The following CMSS1 variants were observed in gnomAD, a reference collection of about 807,000 sequenced individuals.
CMSS1 encodes the protein protein CMSS1.
A neutral mutation model predicts 43.5 loss-of-function variants in CMSS1; 33 were observed. That is an observed-to-expected ratio of 0.76 (90% confidence interval 0.57 to 1.01). The LOEUF (loss-of-function observed/expected upper bound fraction) is 1.01. Among genes scored for constraint, CMSS1 ranks in the 50% least tolerant of loss-of-function variants. CMSS1 has a pLI of 0.00. For synonymous variants in CMSS1, 115 were observed against 117.2 expected (o/e 0.98, Z 0.12); for missense variants, 313 against 326.4 (o/e 0.96, Z 0.32).
chr3:100,145,170 G>A (rs1437711001), intron 1 of CMSS1, among the ~76,000 whole-genome samples: 1 of 152,142 alleles, frequency 6.6e-6, no homozygotes, highest in Non-Finnish European at 1.5e-5. Context: ...GCTGGGTATG[G>A]TGGCTCATGC....
intron 1 of CMSS1, among the ~76,000 whole-genome samples, chr3:99,886,118 C>T: frequency 6.6e-6 from 1 of 152,234 alleles, no homozygotes; most frequent in East Asian, 1.9e-4. Context: ...CACACGTGCA[C>T]ATGGACGTGA....
intron 4 of CMSS1, among the ~76,000 whole-genome samples, chr3:100,163,637 A>G (rs2067043902): frequency 6.6e-6 from 1 of 152,172 alleles, no homozygotes; most frequent in Non-Finnish European, 1.5e-5. Context: ...CCTGGGCTTA[A>G]GTGGATCCTC....
chr3:99,845,099 G>T lies in CMSS1; in HGVS notation c.64+27056G>T, dbSNP rs139082506. Among the ~76,000 whole-genome samples the T allele has an allele frequency of 3.4e-3, 518 of 152,282 alleles. 5 individuals carry two copies. The highest frequency in any genetic ancestry group is 6.8e-3 in the Middle Eastern group (2 of 294). ...AATATAGTTGTGGAGACCTTACAAA[G>T]AGTGTATGTAATTTTATCATGATCT... is the stretch of plus-strand genomic sequence containing the variant. On this transcript the variant is annotated intron_variant, in intron 1 of 9. Transcript: ENST00000421999.
intron 1 of CMSS1, among the ~76,000 whole-genome samples, chr3:99,919,501 C>G (rs916676986): frequency 2.0e-5 from 3 of 151,012 alleles, no homozygotes; most frequent in Admixed American, 6.6e-5. Flanking sequence ...TAATGAATGG[C>G]AAGTAGCACT....
intron 1 of CMSS1, among the ~76,000 whole-genome samples, chr3:99,948,568 G>A (rs376949627): frequency 6.8e-6 from 1 of 146,186 alleles, no homozygotes; most frequent in African/African-American, 2.5e-5. Flanking sequence ...GAAGGAGAAG[G>A]CGAAGGAGAA....
At chr3:100,145,356 G>C (rs1258539786) in intron 1 of CMSS1, among the ~76,000 whole-genome samples, 1 of 152,120 alleles carries the variant, frequency 6.6e-6, no homozygotes, top group African/African-American at 2.4e-5. Context: ...GCTGAGGCAG[G>C]AGAATCGCTT....
chr3:99,998,799 G>C (rs1002861690), intron 1 of CMSS1, among the ~76,000 whole-genome samples: 2 of 152,186 alleles, frequency 1.3e-5, no homozygotes, highest in African/African-American at 4.8e-5. Flanking sequence ...TCGATCTCCT[G>C]ACCTCGTGAT....
intron 1 of CMSS1, among the ~76,000 whole-genome samples, chr3:100,142,944 C>T (rs1489627668): frequency 6.6e-6 from 1 of 152,158 alleles, no homozygotes; most frequent in African/African-American, 2.4e-5. Flanking sequence ...GAAAACCTAA[C>T]ATTTATGCAA....
At chr3:99,924,381 C>G in intron 1 of CMSS1, 2 of 1,614,026 alleles carry the variant, frequency 1.2e-6, no homozygotes, top group Non-Finnish European at 1.7e-6. Context: ...CTGTAAGATT[C>G]TTTATGTTTT....
chr3:100,018,119 G>A (rs1710398562), intron 1 of CMSS1, among the ~76,000 whole-genome samples: 1 of 152,152 alleles, frequency 6.6e-6, no homozygotes, highest in African/African-American at 2.4e-5. Context: ...ACCAGGTCAA[G>A]AGATCGAGAC....
chr3:100,093,187 C>T (rs1332169777), intron 1 of CMSS1, among the ~76,000 whole-genome samples: 1 of 152,118 alleles, frequency 6.6e-6, no homozygotes, highest in Non-Finnish European at 1.5e-5. Flanking sequence ...ACAGGGACCT[C>T]TGGCCTAACA....
At chr3:100,008,679 A>G (rs1710058083) in intron 1 of CMSS1, among the ~76,000 whole-genome samples, 1 of 152,250 alleles carries the variant, frequency 6.6e-6, no homozygotes, top group Non-Finnish European at 1.5e-5. Flanking sequence ...AACATTCAGC[A>G]TTGTACTTCA....
At chr3:99,890,377 G>A (rs1411308171) in intron 1 of CMSS1, among the ~76,000 whole-genome samples, 2 of 151,992 alleles carry the variant, frequency 1.3e-5, no homozygotes, top group Non-Finnish European at 2.9e-5. Flanking sequence ...AGCTTCCTGA[G>A]TCTGTAGATT....
intron 1 of CMSS1, among the ~76,000 whole-genome samples, chr3:99,899,718 C>A (rs1347390441): frequency 2.6e-5 from 4 of 152,146 alleles, no homozygotes; most frequent in Admixed American, 2.0e-4. Context: ...TATGGTCCAC[C>A]TTCAGGGCAT....
chr3:99,925,587 AT>A (rs1176662010), intron 1 of CMSS1, among the ~76,000 whole-genome samples: 1 of 147,890 alleles, frequency 6.8e-6, no homozygotes, highest in Non-Finnish European at 1.5e-5. Flanking sequence ...TTTAAAAAAA[AT>A]TTTTGATTAA....
chr3:100,113,126 A>G (rs1472279884), intron 1 of CMSS1, among the ~76,000 whole-genome samples: 3 of 152,230 alleles, frequency 2.0e-5, no homozygotes, highest in Non-Finnish European at 2.9e-5. Context: ...TGAACAGATA[A>G]TGAATAAAGA....
At chr3:99,845,983 C>T (rs1472607769) in intron 1 of CMSS1, among the ~76,000 whole-genome samples, 2 of 152,168 alleles carry the variant, frequency 1.3e-5, no homozygotes, top group African/African-American at 2.4e-5. Context: ...AGAATTTGTG[C>T]ATTATCATAA....
intron 1 of CMSS1, among the ~76,000 whole-genome samples, chr3:100,047,658 T>C (rs978359015): frequency 2.0e-5 from 3 of 152,186 alleles, no homozygotes; most frequent in Non-Finnish European, 4.4e-5. Flanking sequence ...TAGAGTTTTG[T>C]CCTTCTGGAA....
chr3:99,825,464 A>AC (rs1942519016), intron 1 of CMSS1, among the ~76,000 whole-genome samples: 1 of 152,232 alleles, frequency 6.6e-6, no homozygotes, highest in African/African-American at 2.4e-5. Context: ...TGAAGGCTGT[A>AC]ACAGATGGAC....
Sources: allele counts gnomAD v4.1 joint callset (sites outside exome capture counted in the v4.1 genomes callset), GRCh38; gene constraint gnomAD v4.1.1; transcripts MANE v1.5; gene names NCBI Gene and HGNC (gene_info 2026-07-23, HGNC 2026-07-21).